Variants in NFIB observed in about 807,000 individuals in gnomAD.
The protein encoded by NFIB is nuclear factor I B.
NFIB carries 11 observed loss-of-function variants against 61.5 expected under a neutral mutation model. The ratio of observed to expected loss-of-function variants is 0.18; its 90% CI spans 0.11 to 0.30. The LOEUF is 0.30. NFIB is among the 10% of genes least tolerant of loss of function. NFIB has a pLI of 1.00. For synonymous variants in NFIB, 260 were observed against 216.5 expected (o/e 1.20, Z -1.76); for missense variants, 471 against 608.9 (o/e 0.77, Z 2.38).
the NFIB span, among the ~76,000 whole-genome samples, chr9:14,521,461 T>C: frequency 6.6e-6 from 1 of 152,172 alleles, no homozygotes; most frequent in African/African-American, 2.4e-5. Flanking sequence ...TTGGACAAAC[T>C]ATTTAAACTC....
the NFIB span, among the ~76,000 whole-genome samples, chr9:14,514,646 G>C: frequency 6.6e-6 from 1 of 151,848 alleles, no homozygotes; most frequent in African/African-American, 2.4e-5. Flanking sequence ...CATATTGCTT[G>C]AGAGATGGCT....
chr9:14,249,450 T>C (rs142791310), intron 2 of NFIB, among the ~76,000 whole-genome samples: 1 of 152,214 alleles, frequency 6.6e-6, no homozygotes, highest in South Asian at 2.1e-4. Context: ...TTTCACCAAA[T>C]GATTCACCAC....
chr9:14,291,125 T>A (rs1024267830), intron 2 of NFIB, among the ~76,000 whole-genome samples: 3 of 152,120 alleles, frequency 2.0e-5, no homozygotes, highest in African/African-American at 7.2e-5. Context: ...CAGAGTCTCT[T>A]GATATACATA....
intron 1 of NFIB, among the ~76,000 whole-genome samples, chr9:14,336,556 G>A (rs905985683): frequency 2.0e-5 from 3 of 152,188 alleles, no homozygotes; most frequent in African/African-American, 7.2e-5. Flanking sequence ...CTTTTTCTAA[G>A]ATGCTTATAA....
chr9:14,184,912 A>G (rs1443866468), intron 2 of NFIB, among the ~76,000 whole-genome samples: 1 of 152,084 alleles, frequency 6.6e-6, no homozygotes, highest in African/African-American at 2.4e-5. Flanking sequence ...AATCCCAGCT[A>G]CTTGAGAGGC....
chr9:14,421,960 A>G, the NFIB span, among the ~76,000 whole-genome samples: 3 of 151,974 alleles, frequency 2.0e-5, no homozygotes, highest in African/African-American at 7.3e-5. Flanking sequence ...TCACTTTTCT[A>G]CCTAGCACTT....
intron 3 of NFIB, among the ~76,000 whole-genome samples, chr9:14,163,238 A>G (rs2044398692): frequency 6.6e-6 from 1 of 152,062 alleles, no homozygotes; most frequent in South Asian, 2.1e-4. Flanking sequence ...GGCAGCAAAA[A>G]TAAGAAAATA....
At chr9:14,511,144 C>T in the NFIB span, among the ~76,000 whole-genome samples, 2 of 152,214 alleles carry the variant, frequency 1.3e-5, no homozygotes, top group Admixed American at 1.3e-4. Flanking sequence ...ACTAGCAATG[C>T]TTCTTTATCT....
chr9:14,383,205 A>C (rs978839377), intron 1 of NFIB, among the ~76,000 whole-genome samples: 1 of 152,216 alleles, frequency 6.6e-6, no homozygotes, highest in Non-Finnish European at 1.5e-5. Context: ...TAATATGTGA[A>C]GTTTAACTGC....
chr9:14,154,577 G>A (rs1446034197), intron 4 of NFIB, among the ~76,000 whole-genome samples: 5 of 152,014 alleles, frequency 3.3e-5, no homozygotes, highest in Admixed American at 2.6e-4. Flanking sequence ...CTTGCCCATC[G>A]AATACACACC....
intron 6 of NFIB, among the ~76,000 whole-genome samples, chr9:14,143,078 C>A (rs2041928118): frequency 6.6e-6 from 1 of 152,026 alleles, no homozygotes; most frequent in African/African-American, 2.4e-5. Flanking sequence ...CTACCAAATG[C>A]TTAACACTAT....
At chr9:14,198,388 T>G (rs1055120046) in intron 2 of NFIB, among the ~76,000 whole-genome samples, 4 of 152,210 alleles carry the variant, frequency 2.6e-5, no homozygotes, top group Non-Finnish European at 4.4e-5. Context: ...TAAAGTTTCT[T>G]ATGTTAACAG....
At chr9:14,527,931 T>C in the NFIB span, among the ~76,000 whole-genome samples, 1 of 152,176 alleles carries the variant, frequency 6.6e-6, no homozygotes, top group Non-Finnish European at 1.5e-5. Context: ...TAGCTGCGGT[T>C]ATTAGGTTAG....
intron 1 of NFIB, among the ~76,000 whole-genome samples, chr9:14,395,418 C>A (rs959581955): frequency 6.6e-6 from 1 of 151,458 alleles, no homozygotes; most frequent in Non-Finnish European, 1.5e-5. Flanking sequence ...GGGAGAAGGG[C>A]AGTAGTGTCC....
At chr9:14,456,883 A>G in the NFIB span, among the ~76,000 whole-genome samples, 4 of 152,220 alleles carry the variant, frequency 2.6e-5, no homozygotes, top group Non-Finnish European at 5.9e-5. Flanking sequence ...GGCAATGGCA[A>G]CATTATTAAA....
chr9:14,271,512 A>G (rs1329747053), intron 2 of NFIB, among the ~76,000 whole-genome samples: 1 of 152,122 alleles, frequency 6.6e-6, no homozygotes, highest in East Asian at 1.9e-4. Flanking sequence ...ACGACTGCAG[A>G]TTTGTCACAT....
Position 14,152,134 on chromosome 9 carries a change from T to TA in NFIB, c.686-1870dup, listed in dbSNP as rs555578867. Reference sequence around the variant, plus strand: ...ACAATGAACATCTCCCTTTCTGGACTAAAAATTAAATACATCAGTATATAC... The same window carrying TA: ...ACAATGAACATCTCCCTTTCTGGACTAAAAAATTAAATACATCAGTATATAC... On this transcript the variant is annotated intron_variant, in intron 4 of 10. Coordinates refer to ENST00000380953, the MANE Select transcript of NFIB (RefSeq NM_001190737.2). 7.3e-3 allele frequency among the ~76,000 whole-genome samples: 1,106 copies of TA among 152,222 alleles called. 11 individuals carry two copies. The highest frequency in any genetic ancestry group is 0.025 in the African/African-American group (1,054 of 41,564).
intron 2 of NFIB, among the ~76,000 whole-genome samples, chr9:14,235,816 G>A (rs2053680362): frequency 1.3e-5 from 2 of 152,142 alleles, no homozygotes; most frequent in Admixed American, 6.5e-5. Context: ...TTTGTCAGAA[G>A]GAATGCTTGT....
chr9:14,456,100 C>A, the NFIB span, among the ~76,000 whole-genome samples: 1 of 152,070 alleles, frequency 6.6e-6, no homozygotes, highest in Non-Finnish European at 1.5e-5. Context: ...GTACTAGATT[C>A]GATCATAATA....
Sources: gnomAD v4.1 joint callset for allele counts (sites outside exome capture counted in the v4.1 genomes callset) on GRCh38, gnomAD v4.1.1 for gene constraint, MANE v1.5 for transcripts, NCBI Gene and HGNC (gene_info 2026-07-23, HGNC 2026-07-21) for gene names.